The following ERAP1 variants were observed in gnomAD, a reference collection of about 807,000 sequenced individuals.
ERAP1 encodes endoplasmic reticulum aminopeptidase 1.
Under a neutral mutation model 103.7 loss-of-function variants are expected in ERAP1, and 86 were observed. That is an observed-to-expected ratio of 0.83 (90% CI 0.70 to 0.99). The LOEUF is 0.99. Ranked by LOEUF, ERAP1 falls within the 50% of genes least tolerant of loss-of-function variation. ERAP1 has a pLI of 0.00. For synonymous variants in ERAP1, 398 were observed against 402.4 expected (o/e 0.99, Z 0.13); for missense variants, 1,009 against 1,128.4 (o/e 0.89, Z 1.52).
rs3076640 is a variant in ERAP1 at position 96,783,818 on chromosome 5, TACACACACACACACACAC to T, written c.2100+88_2100+105del. On this transcript the variant is annotated intron_variant, in intron 14 of 18. Coordinates refer to ENST00000443439, the MANE Select transcript of ERAP1 (RefSeq NM_001040458.3). ...CTTTTCCTTAATATGTATATAAAGA[TACACACACACACACACAC>T]ACACACACACACACACACATACACA... The T allele has an allele frequency of 1.6e-3, 1,314 of 801,186 alleles. 9 individuals are homozygous for T. The highest frequency in any genetic ancestry group is 6.0e-3 in the Middle Eastern group (17 of 2,826). 49.6% of individuals were successfully genotyped at this position (801,186 alleles called of 1,614,324 possible). A position where few individuals can be genotyped will look rare whatever the true frequency, so the allele number is the denominator to read the frequency against.
At chr5:96,909,865 A>G in the ERAP1 span, 4 of 1,156,032 alleles carry the variant, frequency 3.5e-6, no homozygotes, top group South Asian at 4.9e-5. Context: ...GTGAGGATAG[A>G]AAAAAAAACA....
At chr5:96,895,479 G>A in the ERAP1 span, 2 of 736,300 alleles carry the variant, frequency 2.7e-6, no homozygotes. Context: ...TGAACATATG[G>A]CATTTTGTTT....
At chr5:96,771,823 T>C, downstream of ERAP1, 1 of 586,324 alleles carries the variant, frequency 1.7e-6, no homozygotes, top group Non-Finnish European at 3.1e-6. Context: ...AGTATTGGCA[T>C]GAAATGCATA....
chr5:96,841,545 C>A, the ERAP1 span, among the ~76,000 whole-genome samples: 3 of 152,200 alleles, frequency 2.0e-5, no homozygotes, highest in Non-Finnish European at 2.9e-5. Flanking sequence ...ACCACCCCCC[C>A]ACAATGCCCA....
Position 96,783,802 on chromosome 5 carries a change from A to C in ERAP1, c.2100+122T>G, listed in dbSNP as rs1261191939. ...AACTAATATTTATTTGCTTTTCCTTAATATGTATATAAAGATACACACACA... is the reference window on the plus strand; with the variant it reads ...AACTAATATTTATTTGCTTTTCCTTCATATGTATATAAAGATACACACACA... On this transcript the variant is annotated intron_variant, in intron 14 of 18. Transcript: ENST00000443439. 7 of 1,039,732 alleles carry C rather than the reference A, an allele frequency of 6.7e-6. No individual in the cohort carries two copies. In the African/African-American group the frequency reaches 1.1e-4, roughly 17 times the overall value. The allele number at this position is 1,039,732 out of a possible 1,614,324, so 64.4% of individuals were successfully genotyped here.
downstream of ERAP1, chr5:96,773,672 A>G (rs1773249522): frequency 6.6e-6 from 1 of 152,218 alleles, no homozygotes; most frequent in South Asian, 2.1e-4. Flanking sequence ...CTGATGTCCT[A>G]CCACTTTGAA....
At chr5:96,815,341 T>C in the ERAP1 span, among the ~76,000 whole-genome samples, 2 of 152,262 alleles carry the variant, frequency 1.3e-5, no homozygotes, top group South Asian at 4.1e-4. Flanking sequence ...TTGATCTTTG[T>C]AAATGCACTG....
chr5:96,868,241 C>A, the ERAP1 span, among the ~76,000 whole-genome samples: 1 of 152,180 alleles, frequency 6.6e-6, no homozygotes, highest in Non-Finnish European at 1.5e-5. Flanking sequence ...TGACCTGCTG[C>A]ATATTATTGA....
intron 1 of ERAP1, among the ~76,000 whole-genome samples, chr5:96,806,335 A>G (rs1180066695): frequency 6.6e-6 from 1 of 152,204 alleles, no homozygotes; most frequent in Non-Finnish European, 1.5e-5. Context: ...CAATATAAGC[A>G]GCTCTTCCCA....
chr5:96,834,025 C>T, the ERAP1 span, among the ~76,000 whole-genome samples: 1 of 152,140 alleles, frequency 6.6e-6, no homozygotes, highest in Admixed American at 6.5e-5. Flanking sequence ...TGGGTAGCCA[C>T]AACTAGTTGA....
chr5:96,899,658 T>C, the ERAP1 span, among the ~76,000 whole-genome samples: 1 of 152,240 alleles, frequency 6.6e-6, no homozygotes, highest in Admixed American at 6.5e-5. Context: ...TGATAGCCAC[T>C]GTAGGAATAC....
downstream of ERAP1, chr5:96,774,428 A>G (rs1295498250): frequency 3.7e-6 from 3 of 804,846 alleles, no homozygotes; most frequent in Non-Finnish European, 4.5e-6. Context: ...TACAGGATCT[A>G]AAGCAGCCCT....
chr5:96,776,563 A>G lies in ERAP1; in HGVS notation c.2671-12T>C, dbSNP rs775108702. 3 of 1,613,032 alleles carry G rather than the reference A, an allele frequency of 1.9e-6. No individual in the cohort carries two copies. In the Admixed American group the frequency reaches 5.0e-5, roughly 27 times the overall value. On this transcript the variant is annotated splice_polypyrimidine_tract_variant and intron_variant, in intron 18 of 18. Coordinates refer to ENST00000443439, the MANE Select transcript of ERAP1 (RefSeq NM_001040458.3). ...AAGAATCCTTTTACCTTGTGAGGAAAAAGTGGGTTTTAAAAAATTAATTTT... is the reference window on the plus strand; with the variant it reads ...AAGAATCCTTTTACCTTGTGAGGAAGAAGTGGGTTTTAAAAAATTAATTTT...
At chr5:96,931,046 G>A in the ERAP1 span, among the ~76,000 whole-genome samples, 10 of 152,148 alleles carry the variant, frequency 6.6e-5, no homozygotes, top group African/African-American at 2.4e-4. Context: ...TGGCTATCTT[G>A]AGTAATGGGC....
At chr5:96,826,708 C>T in the ERAP1 span, among the ~76,000 whole-genome samples, 4 of 152,170 alleles carry the variant, frequency 2.6e-5, no homozygotes, top group East Asian at 7.7e-4. Flanking sequence ...TCATATACTC[C>T]TAATTGCCCA....
chr5:96,776,265 A>G lies in ERAP1; in HGVS notation c.*131T>C, dbSNP rs1261399147. The G allele has an allele frequency of 7.0e-7, 1 of 1,436,386 alleles. No homozygotes were observed. Among genetic ancestry groups the G allele is most frequent in the African/African-American group, 1.4e-5 (1 of 69,486 alleles). The allele number at this position is 1,436,386 out of a possible 1,614,324, so 89.0% of individuals were successfully genotyped here. A position where few individuals can be genotyped will look rare whatever the true frequency, so the allele number is the denominator to read the frequency against. On this transcript the variant is annotated 3_prime_UTR_variant, in exon 19 of 19. Transcript: ENST00000443439. ...ACTAACAGCTATTCTTTTCACAGGG[A>G]TAGTCAAAAAATGAGTTGAAGGGAA...
Position 96,803,756 on chromosome 5 carries a change from G to C in ERAP1, c.171C>G (p.Tyr57Ter). 1 of 1,613,616 alleles carries C rather than the reference G, an allele frequency of 6.2e-7. No homozygotes were observed. Among genetic ancestry groups the C allele is most frequent in the Non-Finnish European group, 8.5e-7 (1 of 1,180,024 alleles). The change falls in exon 2 of 19, where the codon TAC becomes TAG. Residue 57 changes from tyrosine to a stop codon, truncating the protein, a stop_gained. Transcript: ENST00000443439. LOFTEE classifies it high-confidence loss of function. ...FPWNKIRLPE[Y>*]VIPVHYDLLI... ...AGAGATCATAATGAACTGGGATGAC[G>C]TACTCAGGAAGTCGTATTTTATTCC...
chr5:96,774,396 A>C (rs781023468), downstream of ERAP1: 53 of 469,972 alleles, frequency 1.1e-4, no homozygotes, highest in Middle Eastern at 1.1e-3. Flanking sequence ...GTGTTTGTTA[A>C]TAACTAATAA....
the ERAP1 span, among the ~76,000 whole-genome samples, chr5:96,817,414 T>C: frequency 6.6e-6 from 1 of 152,226 alleles, no homozygotes; most frequent in African/African-American, 2.4e-5. Context: ...TTTCATGTTT[T>C]GTATCCATGC....
Sources: allele counts gnomAD v4.1 joint callset (sites outside exome capture counted in the v4.1 genomes callset), GRCh38; gene constraint gnomAD v4.1.1; transcripts MANE v1.5; gene names NCBI Gene and HGNC (gene_info 2026-07-23, HGNC 2026-07-21).